EHMT1: variants seen among roughly 807,000 people sequenced by gnomAD.
The protein encoded by EHMT1 is histone-lysine N-methyltransferase EHMT1.
In EHMT1, 15 loss-of-function variants were observed where a neutral mutation model predicts 147.2. The ratio of observed to expected loss-of-function variants is 0.10; its 90% confidence interval spans 0.07 to 0.16. The LOEUF is 0.16. EHMT1 is among the 10% of genes least tolerant of loss of function. The pLI, the probability that EHMT1 is intolerant of heterozygous loss-of-function variation, is 1.00. For synonymous variants in EHMT1, 795 were observed against 709.6 expected (o/e 1.12, Z -1.91); for missense variants, 1,587 against 1,772.4 (o/e 0.90, Z 1.88).
intron 15 of EHMT1, 116 bp from the exon 16 acceptor site, chr9:137,790,732 G>T: frequency 7.1e-7 from 1 of 1,416,094 alleles, no homozygotes; most frequent in Non-Finnish European, 1.0e-6. Flanking sequence ...AGACATTGTT[G>T]GTCACTGAAA....
intron 1 of EHMT1, among the ~76,000 whole-genome samples, chr9:137,679,825 A>C (rs1379075305): frequency 6.6e-6 from 1 of 152,094 alleles, no homozygotes; most frequent in Non-Finnish European, 1.5e-5. Context: ...TTCCTTTGTG[A>C]TTTCTGACCT....
intron 3 of EHMT1, among the ~76,000 whole-genome samples, chr9:137,723,144 G>A (rs1284569511): frequency 7.3e-6 from 1 of 137,252 alleles, no homozygotes; most frequent in East Asian, 2.2e-4. Context: ...TGTGCCCGGG[G>A]TGTGTCTGTG....
At chr9:137,811,357 C>G in intron 18 of EHMT1, 104 bp from the exon 19 acceptor site, 1 of 1,550,818 alleles carries the variant, frequency 6.4e-7, no homozygotes, top group Non-Finnish European at 8.8e-7. Context: ...CACGCATGCT[C>G]CAGAGCCTCT....
At chr9:137,701,306 C>G (rs1019390107) in intron 1 of EHMT1, among the ~76,000 whole-genome samples, 1 of 148,912 alleles carries the variant, frequency 6.7e-6, no homozygotes, top group African/African-American at 2.5e-5. Flanking sequence ...TTTTTTGAGA[C>G]AGAGTCTCAC....
chr9:137,814,056 G>GGCCC (rs1954715017), intron 21 of EHMT1, among the ~76,000 whole-genome samples: 1 of 50,050 alleles, frequency 2.0e-5, no homozygotes, highest in Admixed American at 2.1e-4. Context: ...CACTGCCCAG[G>GGCCC]CCCCCCCCCC....
intron 1 of EHMT1, among the ~76,000 whole-genome samples, chr9:137,643,436 G>T (rs1419663941): frequency 2.0e-5 from 3 of 150,286 alleles, no homozygotes; most frequent in Non-Finnish European, 4.4e-5. Context: ...TGCCTCCCAG[G>T]TTCACGCCAT....
chr9:137,684,606 C>T (rs992373711), intron 1 of EHMT1, among the ~76,000 whole-genome samples: 2 of 152,152 alleles, frequency 1.3e-5, no homozygotes, highest in Non-Finnish European at 2.9e-5. Context: ...ATCCTACTAC[C>T]TTAGCCTCCC....
intron 1 of EHMT1, among the ~76,000 whole-genome samples, chr9:137,667,693 G>GA (rs1314955344): frequency 2.0e-5 from 3 of 152,152 alleles, no homozygotes; most frequent in Non-Finnish European, 4.4e-5. Flanking sequence ...TAACCAAGAG[G>GA]AAAAGTTCAT....
intron 7 of EHMT1, among the ~76,000 whole-genome samples, chr9:137,752,783 T>C (rs1384963217): frequency 6.6e-6 from 1 of 150,594 alleles, no homozygotes; most frequent in Admixed American, 6.6e-5. Context: ...TTTGAAGGTT[T>C]CCAGGTAGAA....
intron 1 of EHMT1, among the ~76,000 whole-genome samples, chr9:137,669,616 C>T (rs1274039501): frequency 6.6e-6 from 1 of 151,724 alleles, no homozygotes; most frequent in African/African-American, 2.4e-5. Flanking sequence ...AGCAGCTCTT[C>T]CCTGGCCCCT....
chr9:137,700,706 C>G (rs936490860), intron 1 of EHMT1, among the ~76,000 whole-genome samples: 2 of 152,124 alleles, frequency 1.3e-5, no homozygotes, highest in African/African-American at 4.8e-5. Context: ...AGGTACTGTT[C>G]TAATTGAGGT....
chr9:137,795,795 A>T (rs1952892580), intron 16 of EHMT1, among the ~76,000 whole-genome samples: 1 of 152,184 alleles, frequency 6.6e-6, no homozygotes, highest in African/African-American at 2.4e-5. Flanking sequence ...GGGAGGTGGT[A>T]CAGTATTAAT....
At chr9:137,690,235 T>A (rs1942819718) in intron 1 of EHMT1, among the ~76,000 whole-genome samples, 1 of 152,156 alleles carries the variant, frequency 6.6e-6, no homozygotes, top group Non-Finnish European at 1.5e-5. Context: ...AATTTGGAAG[T>A]GAGGAATGCA....
At chr9:137,674,582 C>T (rs895975268) in intron 1 of EHMT1, among the ~76,000 whole-genome samples, 6 of 152,198 alleles carry the variant, frequency 3.9e-5, no homozygotes, top group Non-Finnish European at 5.9e-5. Flanking sequence ...AGTCTGCCTA[C>T]GATTGCACGA....
At chr9:137,757,119 A>G (rs990651578) in intron 8 of EHMT1, among the ~76,000 whole-genome samples, 4 of 152,234 alleles carry the variant, frequency 2.6e-5, no homozygotes, top group African/African-American at 7.2e-5. Context: ...CCTTGTGATT[A>G]CAAACACCCA....
intron 1 of EHMT1, among the ~76,000 whole-genome samples, chr9:137,703,125 A>G (rs1351655295): frequency 6.6e-6 from 1 of 152,176 alleles, no homozygotes; most frequent in Non-Finnish European, 1.5e-5. Context: ...AGTGGCTGTG[A>G]TGCCGGACAC....
At chr9:137,832,097 C>T (rs1956234715) in intron 25 of EHMT1, among the ~76,000 whole-genome samples, 1 of 150,352 alleles carries the variant, frequency 6.7e-6, no homozygotes, top group Non-Finnish European at 1.5e-5. Flanking sequence ...GCACTTCGCC[C>T]CAGTCCTAGG....
At chr9:137,669,446 CG>C (rs1940219916) in intron 1 of EHMT1, among the ~76,000 whole-genome samples, 4 of 139,668 alleles carry the variant, frequency 2.9e-5, no homozygotes, top group Non-Finnish European at 3.1e-5. Context: ...GCCCACAGCA[CG>C]TGCACTCACC....
At position 137,782,043 on chromosome 9, in the gene EHMT1, T is replaced by TAA. The variant is rs1297134591; in HGVS notation, c.2276-246_2276-245dup. ...GAACCTCAGAGTTAGAGCAGGGTGG[T>TAA]AAAGGGAAGAGCGTGCCTTGCCGAG... On this transcript the variant is annotated intron_variant, in intron 14 of 26. Transcript: ENST00000460843. The surrounding 1 kb of genome is among the most constrained non-coding windows in gnomAD (Gnocchi z 5.7). Among the ~76,000 whole-genome samples, 2 of 152,126 alleles carry TAA rather than the reference T, an allele frequency of 1.3e-5. No individual in the cohort carries two copies. Among genetic ancestry groups the TAA allele is most frequent in the Non-Finnish European group, 2.9e-5 (2 of 68,024 alleles).
Sources: gnomAD v4.1 joint callset for allele counts (sites outside exome capture counted in the v4.1 genomes callset) on GRCh38, gnomAD v4.1.1 for gene constraint, Gnocchi (gnomAD v3.1) non-coding constraint, MANE v1.5 for transcripts, NCBI Gene and HGNC (gene_info 2026-07-23, HGNC 2026-07-21) for gene names.